ATP13A3: variants seen among roughly 807,000 people sequenced by gnomAD.
The protein encoded by ATP13A3 is polyamine-transporting ATPase 13A3.
In ATP13A3, 59 loss-of-function variants were observed where a neutral mutation model predicts 158.1. The observed-to-expected ratio is 0.37, with a 90% CI of 0.30 to 0.46. The LOEUF (loss-of-function observed/expected upper bound fraction) is 0.46. Among genes scored for constraint, ATP13A3 ranks in the 20% least tolerant of loss-of-function variants. ATP13A3 has a pLI of 1.00. For synonymous variants in ATP13A3, 491 were observed against 504.3 expected, an observed-to-expected ratio of 0.97 and a Z score of 0.35; for missense variants, 1,166 against 1,525.2, an observed-to-expected ratio of 0.76 and a Z score of 3.92.
intron 20 of ATP13A3, 108 bp from the exon 21 acceptor site, chr3:194,434,004 T>C: frequency 8.4e-7 from 1 of 1,195,090 alleles, no homozygotes; most frequent in Non-Finnish European, 1.1e-6. Flanking sequence ...TAAGTTATAA[T>C]GCAGTTTAAA....
At position 194,438,864 on chromosome 3, in the gene ATP13A3, G is replaced by T. The variant is rs756722851; in HGVS notation, c.1819C>A (p.Gln607Lys). The T allele has an allele frequency of 6.4e-7, 1 of 1,569,996 alleles. No individual in the cohort carries two copies. The highest frequency in any genetic ancestry group is 1.7e-5 in the Admixed American group (1 of 57,470). Residue 607 changes from glutamine (Q) to lysine (K), a missense_variant, in exon 17 of 34, where the codon CAA (glutamine) becomes AAA (lysine). Physicochemically the swap from Gln to Lys is moderately conservative, Grantham distance 53. Transcript: ENST00000645319. ...TTTAAGTGATTTCTCACCATTTCTT[G>T]GTTTCCTGCAGGGGTAGATTCAGGA... is the stretch of plus-strand genomic sequence containing the variant. ...LLPESTPAGN[Q>K]EMELFELPAT...
At chr3:194,430,662 CATA>C (rs1371227567) in intron 24 of ATP13A3, among the ~76,000 whole-genome samples, 1 of 152,066 alleles carries the variant, frequency 6.6e-6, no homozygotes. Context: ...TAACCTGAAA[CATA>C]ACTGTTTACT....
chr3:194,493,214 G>A (rs1196581205), intron 2 of ATP13A3, among the ~76,000 whole-genome samples: 1 of 151,846 alleles, frequency 6.6e-6, no homozygotes, highest in Non-Finnish European at 1.5e-5. Context: ...AGTCAGTTTG[G>A]CTTATCACTG....
chr3:194,437,734 AT>A (rs1336202979), intron 17 of ATP13A3, among the ~76,000 whole-genome samples, 161 bp from the exon 18 acceptor site: 1 of 152,246 alleles, frequency 6.6e-6, no homozygotes, highest in Non-Finnish European at 1.5e-5. Flanking sequence ...ACTACTTCCC[AT>A]TTTTAAAAAG....
chr3:194,405,387 G>A lies in ATP13A3; in HGVS notation c.*532C>T, dbSNP rs1026024434. The stretch of plus-strand genomic sequence containing the variant: ...AACTCTAGACCATCATAGGGAATTG[G>A]CATATGTTTATACAGAATTCTTTGG... On this transcript the variant is annotated 3_prime_UTR_variant, in exon 34 of 34. Transcript: ENST00000645319. 1.3e-5 allele frequency: 2 copies of A among 154,144 alleles called. No individual in the cohort carries two copies. Among genetic ancestry groups the A allele is most frequent in the African/African-American group, 4.8e-5 (2 of 41,442 alleles). 9.5% of individuals were successfully genotyped at this position (154,144 alleles called of 1,614,324 possible).
intron 17 of ATP13A3, 132 bp downstream of exon 17, chr3:194,438,724 A>G: frequency 4.1e-6 from 2 of 492,554 alleles, no homozygotes; most frequent in Non-Finnish European, 6.6e-6. Context: ...GGATCATTTG[A>G]GCCCAGGAGT....
chr3:194,463,075 T>C (rs1301086223), intron 2 of ATP13A3, among the ~76,000 whole-genome samples: 1 of 152,208 alleles, frequency 6.6e-6, no homozygotes, highest in Non-Finnish European at 1.5e-5. Flanking sequence ...TCAGAGATTA[T>C]TAATCATCCA....
chr3:194,453,155 A>C (rs1230789570), intron 10 of ATP13A3: 1 of 152,146 alleles, frequency 6.6e-6, no homozygotes, highest in East Asian at 1.9e-4. Context: ...TCTTCAAAAA[A>C]AGAGAAAAAA....
chr3:194,447,165 T>G (rs774897884), intron 13 of ATP13A3, 50 bp from the exon 14 acceptor site: 7 of 1,455,526 alleles, frequency 4.8e-6, no homozygotes. Context: ...TATTTACGGA[T>G]TTAATATGGG....
rs1421073657 is a variant in ATP13A3 at position 194,453,775 on chromosome 3, A to G, written c.769T>C (p.Tyr257His). 6.2e-7 allele frequency: 1 copy of G among 1,612,536 alleles called. No individual in the cohort carries two copies. Among genetic ancestry groups the G allele is most frequent in the Admixed American group, 1.7e-5 (1 of 59,938 alleles). The change falls in exon 10 of 34, where the codon TAT becomes CAT. Residue 257 changes from tyrosine (Y) to histidine (H), a missense_variant. This residue lies in a region of ATP13A3 where 997 missense variants were observed against 1,341.2 expected (regional missense o/e 0.74). Transcript: ENST00000645319. ...GCCACCATGTCATGCAACATAACAT[A>G]TTGCTGAAAGAGGAAAAAGAAGTTA... ...VSSLYSIRKQ[Y>H]VMLHDMVATH...
At chr3:194,435,352 C>A (rs550511461) in intron 20 of ATP13A3, among the ~76,000 whole-genome samples, 1 of 152,150 alleles carries the variant, frequency 6.6e-6, no homozygotes, top group Non-Finnish European at 1.5e-5. Context: ...TCTCTCACAC[C>A]GTATGAACGA....
intron 11 of ATP13A3, among the ~76,000 whole-genome samples, chr3:194,449,629 A>T (rs1411960318): frequency 6.6e-6 from 1 of 151,994 alleles, no homozygotes; most frequent in Admixed American, 6.6e-5. Flanking sequence ...GTGAGCCAAG[A>T]TCGCACCACT....
chr3:194,459,530 G>T lies in ATP13A3; in HGVS notation c.420C>A (p.Phe140Leu). The change falls in exon 6 of 34, where the codon TTC becomes TTA. Residue 140 changes from phenylalanine (F) to leucine (L), a missense_variant. Physicochemically the swap from Phe to Leu is conservative, Grantham distance 22 (BLOSUM62 0). Transcript: ENST00000645319. The stretch of plus-strand genomic sequence containing the variant: ...AGAAATATTTTACACTATGGTGGGT[G>T]AAATAACGAATCTGTGGAACACAAA... ...SQTESQQIRY[F>L]THHSVKYFWN... is the part of the protein sequence containing the mutation. The T allele has an allele frequency of 6.2e-7, 1 of 1,603,680 alleles. No homozygotes were observed. Among genetic ancestry groups the T allele is most frequent in the Non-Finnish European group, 8.5e-7 (1 of 1,171,494 alleles).
intron 2 of ATP13A3, among the ~76,000 whole-genome samples, chr3:194,476,083 T>C (rs1276340080): frequency 6.6e-6 from 1 of 152,158 alleles, no homozygotes; most frequent in African/African-American, 2.4e-5. Flanking sequence ...AGGAAAATAG[T>C]GTCTAGATTC....
intron 33 of ATP13A3, among the ~76,000 whole-genome samples, chr3:194,411,500 A>G (rs1352412876): frequency 6.6e-6 from 1 of 152,202 alleles, no homozygotes; most frequent in Non-Finnish European, 1.5e-5. Flanking sequence ...CTGTATCAAG[A>G]GCTATACTTT....
In ATP13A3 at chr3:194,430,125, T is replaced by A. The variant is rs750245805; in HGVS notation, c.2724A>T (p.Ala908=). The change falls in exon 26 of 34, where the codon GCA becomes GCT. Residue 908 remains alanine (A), a synonymous_variant. Transcript: ENST00000645319. ...ISLSELEASV[A]SPFTSKTPSI... ...TAGGAGTCTTAGAGGTAAAGGGAGA[T>A]GCCACTGAAGCTTCGAGCTCCGATA... 2.5e-6 allele frequency: 4 copies of A among 1,614,164 alleles called. No individual in the cohort carries two copies. The South Asian group carries it at 4.4e-5, about 18-fold the overall frequency.
intron 10 of ATP13A3, chr3:194,452,581 G>C (rs1718885804): frequency 6.6e-6 from 1 of 152,170 alleles, no homozygotes; most frequent in African/African-American, 2.4e-5. Context: ...GCTTCAGAGA[G>C]CTATCCATCA....
rs1229249855 is a variant in ATP13A3 at position 194,430,834 on chromosome 3, T to C, written c.2624+109A>G. The C allele has an allele frequency of 1.9e-5, 15 of 772,496 alleles. 1 individual carries two copies. The South Asian group carries it at 3.8e-4, about 19-fold the overall frequency. The allele number at this position is 772,496 out of a possible 1,614,324, so 47.9% of individuals were successfully genotyped here. On this transcript the variant is annotated intron_variant, in intron 24 of 33. Coordinates refer to ENST00000645319, the MANE Select transcript of ATP13A3 (RefSeq NM_001367549.1). ...CTATCTTATAGATCACAATTATATA[T>C]ATAAATATGAAATATTAGTATAAGA...
rs748529240 is a variant in ATP13A3, at chr3:194,454,308, C to A, written c.715G>T (p.Val239Leu). The change falls in exon 9 of 34, where the codon GTG becomes TTG. Residue 239 changes from valine (V) to leucine (L), a missense_variant. By Grantham distance (32) the Val-to-Leu change is conservative (BLOSUM62 1). Coordinates refer to ENST00000645319, the MANE Select transcript of ATP13A3 (RefSeq NM_001367549.1). ...DEYYYYALAI[V>L]VMSIVSIVSS... ...ACGATTGATACTATGGACATAACCA[C>A]AATAGCTAGAGCATAGTAATAGTAT... 50 of 1,607,920 alleles carry A rather than the reference C, an allele frequency of 3.1e-5. No individual in the cohort carries two copies. The South Asian group carries it at 5.4e-4, about 17-fold the overall frequency.
Sources: allele counts gnomAD v4.1 joint callset (sites outside exome capture counted in the v4.1 genomes callset), GRCh38; gene constraint gnomAD v4.1.1; regional missense constraint gnomAD v4.1.1; transcripts MANE v1.5; gene names NCBI Gene and HGNC (gene_info 2026-07-23, HGNC 2026-07-21).